UBR7: variants seen among roughly 807,000 people sequenced by gnomAD.
The protein encoded by UBR7 is ubiquitin protein ligase E3 component n-recognin 7.
A neutral mutation model predicts 57.0 loss-of-function variants in UBR7; 22 were observed. The observed-to-expected ratio is 0.39, with a 90% CI of 0.28 to 0.55. The LOEUF (loss-of-function observed/expected upper bound fraction) is 0.55, where lower values mean the gene tolerates loss of function less well. Among genes scored for constraint, UBR7 ranks in the 20% least tolerant of loss-of-function variants. The probability of loss-of-function intolerance (pLI) is 0.69; values close to 1 mark genes in which losing one functional copy is unlikely to be tolerated. For missense variants in UBR7, 395 were observed against 513.2 expected (o/e 0.77, Z 2.23); for synonymous variants, 167 against 179.8 (o/e 0.93, Z 0.57).
rs1894461237 is a variant in UBR7, at chr14:93,210,520, A to C, written c.285-128A>C. ...TACTTGTGTGTTTGTATGTGATATA[A>C]ATATTTGCTTTTGTACATATTAATT... On this transcript the variant is annotated intron_variant, in intron 2 of 10. Transcript: ENST00000013070. 7.9e-6 allele frequency: 6 copies of C among 756,920 alleles called. No homozygotes were observed. The South Asian group carries it at 9.7e-5, about 12-fold the overall frequency. 46.9% of individuals were successfully genotyped at this position (756,920 alleles called of 1,614,324 possible).
At chr14:93,226,747 C>T (rs1894858822) in intron 10 of UBR7, among the ~76,000 whole-genome samples, 196 bp from the exon 11 acceptor site, 1 of 145,244 alleles carries the variant, frequency 6.9e-6, no homozygotes, top group Non-Finnish European at 1.5e-5. Flanking sequence ...GAGCCGAGAT[C>T]GTGCCACTGC....
intron 10 of UBR7, among the ~76,000 whole-genome samples, chr14:93,224,646 G>C (rs1894807100): frequency 6.6e-6 from 1 of 152,118 alleles, no homozygotes; most frequent in South Asian, 2.1e-4. Flanking sequence ...CAAAGTGCTG[G>C]GATTACAGGC....
chr14:93,220,177 G>A (rs537648767), intron 8 of UBR7, 72 bp from the exon 9 acceptor site: 5 of 1,499,170 alleles, frequency 3.3e-6, no homozygotes, highest in African/African-American at 2.8e-5. Flanking sequence ...CAGGAAATTG[G>A]CTTTCTGAGA....
intron 6 of UBR7, 117 bp from the exon 7 acceptor site, chr14:93,218,407 TCTG>T: frequency 2.2e-6 from 2 of 892,712 alleles, no homozygotes; most frequent in South Asian, 1.6e-5. Flanking sequence ...TGAGACTCTG[TCTG>T]TAAAAAAAAA....
intron 3 of UBR7, 87 bp from the exon 4 acceptor site, chr14:93,211,945 A>G (rs1894492658): frequency 9.5e-7 from 1 of 1,051,650 alleles, no homozygotes; most frequent in African/African-American, 1.6e-5. Context: ...ATAATGTGGA[A>G]ATGTATTGAA....
At chr14:93,225,831 C>T (rs1472138365) in intron 10 of UBR7, among the ~76,000 whole-genome samples, 5 of 152,162 alleles carry the variant, frequency 3.3e-5, no homozygotes, top group Non-Finnish European at 7.3e-5. Flanking sequence ...CTACAGTATC[C>T]TTGCTAGAGA....
chr14:93,223,634 T>C, intron 10 of UBR7: 2 of 1,375,870 alleles, frequency 1.5e-6, no homozygotes, highest in South Asian at 2.4e-5. Flanking sequence ...TGGTGAAGCG[T>C]GGCTTGGGCT....
intron 9 of UBR7, among the ~76,000 whole-genome samples, chr14:93,221,499 C>A (rs1894706382): frequency 6.6e-6 from 1 of 151,822 alleles, no homozygotes; most frequent in African/African-American, 2.4e-5. Context: ...AGGTGATCCA[C>A]CTGCCTCAGC....
intron 1 of UBR7, among the ~76,000 whole-genome samples, chr14:93,209,284 G>A (rs1218011772): frequency 2.6e-5 from 4 of 152,326 alleles, no homozygotes; most frequent in African/African-American, 9.6e-5. Context: ...CTTTGCATGT[G>A]TTGATTCTTT....
Position 93,228,030 on chromosome 14 carries a change from T to A in UBR7, c.*995T>A, listed in dbSNP as rs1317176268. ...CCTTGAATCTGCTAAAGAAAACAGA[T>A]CCTGACTTAGCTTACTTGAAATAAG... On this transcript the variant is annotated 3_prime_UTR_variant, in exon 11 of 11. Transcript: ENST00000013070. 1.4e-6 allele frequency: 1 copy of A among 697,706 alleles called. No homozygotes were observed. The highest frequency in any genetic ancestry group is 2.6e-6 in the Non-Finnish European group (1 of 383,600). The allele number at this position is 697,706 out of a possible 1,614,324, so 43.2% of individuals were successfully genotyped here.
chr14:93,221,950 C>CA (rs1443001771), intron 9 of UBR7, among the ~76,000 whole-genome samples: 1 of 151,910 alleles, frequency 6.6e-6, no homozygotes, highest in Non-Finnish European at 1.5e-5. Flanking sequence ...GACTCCATCT[C>CA]AAAAAATAAA....
chr14:93,224,073 G>T, intron 10 of UBR7: 1 of 1,031,538 alleles, frequency 9.7e-7, no homozygotes, highest in Non-Finnish European at 1.5e-6. Context: ...GGCGGTGTGT[G>T]GCATTTGGGG....
At chr14:93,215,763 C>CAAAAACA (rs1366797496) in intron 6 of UBR7, among the ~76,000 whole-genome samples, 1 of 151,142 alleles carries the variant, frequency 6.6e-6, no homozygotes, top group African/African-American at 2.4e-5. Flanking sequence ...GGGATACTAC[C>CAAAAACA]AAAAACAAAT....
chr14:93,215,103 G>A (rs770332648), intron 5 of UBR7, 73 bp from the exon 6 acceptor site: 4 of 1,440,932 alleles, frequency 2.8e-6, no homozygotes, highest in Non-Finnish European at 3.8e-6. Flanking sequence ...TATTATTACA[G>A]TATTTATAAA....
In UBR7 at chr14:93,227,004, G is replaced by T; in HGVS notation, c.1247G>T (p.Arg416Ile). The change falls in exon 11 of 11, where the codon AGA becomes ATA. Residue 416 changes from arginine to isoleucine, a missense_variant. By Grantham distance (97) the Arg-to-Ile change is moderately conservative (BLOSUM62 -3). Transcript: ENST00000013070. ...FEEFQSKKRR[R>I]VDGMQYYCS is the part of the protein sequence containing the mutation. ...GAGTTTCAGTCAAAAAAGAGAAGAA[G>T]AGTGGATGGGATGCAGTATTACTGC... is the stretch of plus-strand genomic sequence containing the variant. 1.9e-6 allele frequency: 3 copies of T among 1,612,852 alleles called. No homozygotes were observed. Among genetic ancestry groups the T allele is most frequent in the South Asian group, 2.2e-5 (2 of 91,004 alleles).
chr14:93,216,035 G>A (rs1051951101), intron 6 of UBR7, among the ~76,000 whole-genome samples: 2 of 152,146 alleles, frequency 1.3e-5, no homozygotes, highest in African/African-American at 2.4e-5. Flanking sequence ...TCAGGTGCCC[G>A]CAGAGTCAGT....
At chr14:93,225,061 G>T (rs1894819518) in intron 10 of UBR7, among the ~76,000 whole-genome samples, 1 of 152,076 alleles carries the variant, frequency 6.6e-6, no homozygotes, top group South Asian at 2.1e-4. Flanking sequence ...TATCACTAGC[G>T]CCACTCTTTA....
chr14:93,218,755 C>T lies in UBR7; in HGVS notation c.810+20C>T, dbSNP rs559563124. On this transcript the variant is annotated intron_variant, in intron 7 of 10. Transcript: ENST00000013070. ...CTCCAGGTAATGTGTGAAGTACGAG[C>T]CATCAAGAAATAAGACTGGGCCAGG... The T allele has an allele frequency of 1.2e-6, 2 of 1,608,110 alleles. No homozygotes were observed. Among genetic ancestry groups the T allele is most frequent in the East Asian group, 4.5e-5 (2 of 44,754 alleles).
intron 10 of UBR7, among the ~76,000 whole-genome samples, chr14:93,225,548 G>A (rs182849131): frequency 9.9e-5 from 15 of 151,838 alleles, no homozygotes; most frequent in Admixed American, 8.5e-4. Flanking sequence ...TCGGAGGATC[G>A]CTTGAGCCCA....
Sources: allele counts gnomAD v4.1 joint callset (sites outside exome capture counted in the v4.1 genomes callset), GRCh38; gene constraint gnomAD v4.1.1; transcripts MANE v1.5; gene names NCBI Gene and HGNC (gene_info 2026-07-23, HGNC 2026-07-21).